The following RIT2 variants were observed in gnomAD, a reference collection of about 807,000 sequenced individuals.
The protein encoded by RIT2 is Ras like without CAAX 2.
A neutral mutation model predicts 23.7 loss-of-function variants in RIT2; 24 were observed. The ratio of observed to expected loss-of-function variants is 1.01; its 90% CI spans 0.73 to 1.43. The LOEUF (loss-of-function observed/expected upper bound fraction) is 1.43, where lower values mean the gene tolerates loss of function less well. Ranked by LOEUF, RIT2 falls within the 40% of genes most tolerant of loss-of-function variation. The probability of loss-of-function intolerance (pLI) is 0.00; values close to 1 mark genes in which losing one functional copy is unlikely to be tolerated. For missense variants in RIT2, 236 were observed against 266.9 expected, an observed-to-expected ratio of 0.88 and a Z score of 0.81; for synonymous variants, 107 against 91.1, an observed-to-expected ratio of 1.17 and a Z score of -0.99.
At chr18:43,013,858 C>G (rs1911410313) in intron 2 of RIT2, among the ~76,000 whole-genome samples, 1 of 151,704 alleles carries the variant, frequency 6.6e-6, no homozygotes, top group Admixed American at 6.6e-5. Context: ...TTCTCACAAA[C>G]TAGGTCCTTT....
At chr18:42,962,208 C>A (rs1910108928) in intron 3 of RIT2, among the ~76,000 whole-genome samples, 1 of 152,098 alleles carries the variant, frequency 6.6e-6, no homozygotes, top group East Asian at 1.9e-4. Flanking sequence ...ATTTTAAAAT[C>A]AAAGTTGCAT....
chr18:43,113,917 A>G (rs932692000), intron 1 of RIT2, among the ~76,000 whole-genome samples: 1 of 151,846 alleles, frequency 6.6e-6, no homozygotes, highest in Non-Finnish European at 1.5e-5. Flanking sequence ...CTTCTTCAGT[A>G]TTTTATTCTC....
chr18:43,055,221 T>C (rs1912472420), intron 1 of RIT2, among the ~76,000 whole-genome samples: 1 of 152,112 alleles, frequency 6.6e-6, no homozygotes, highest in East Asian at 1.9e-4. Flanking sequence ...TCTCAAAAAA[T>C]TGAGAACTAG....
In RIT2 at chr18:43,060,378, T is replaced by G. The variant is rs569216141; in HGVS notation, c.104-26511A>C. 3.3e-5 allele frequency among the ~76,000 whole-genome samples: 5 copies of G among 152,294 alleles called. 1 individual carries two copies. Among genetic ancestry groups the G allele is most frequent in the African/African-American group, 1.2e-4 (5 of 41,584 alleles). On this transcript the variant is annotated intron_variant, in intron 1 of 4. Coordinates refer to ENST00000326695, the MANE Select transcript of RIT2 (RefSeq NM_002930.4). ...AGGAGTCTGAATGCCACTAATCTTGTAATGAAACACTTGATTCCAAGTTCC... is the reference window on the plus strand; with the variant it reads ...AGGAGTCTGAATGCCACTAATCTTGGAATGAAACACTTGATTCCAAGTTCC...
rs1010624442 is a variant in RIT2 at position 42,949,799 on chromosome 18, T to TA, written c.234+24274dup. ...CATCTAAAGAATAAATTTGGTTGAA[T>TA]AAAAAAAAATAAAAGTCTCACTGAA... On this transcript the variant is annotated intron_variant, in intron 3 of 4. Transcript: ENST00000326695. Among the ~76,000 whole-genome samples the TA allele has an allele frequency of 1.6e-3, 244 of 151,306 alleles. 3 individuals are homozygous for TA. The highest frequency in any genetic ancestry group is 5.8e-3 in the African/African-American group (238 of 41,250).
intron 4 of RIT2, among the ~76,000 whole-genome samples, chr18:42,859,176 T>C (rs903890344): frequency 3.3e-5 from 5 of 152,206 alleles, no homozygotes; most frequent in African/African-American, 7.2e-5. Context: ...TCACCAGCAA[T>C]GTGTGAGAGT....
intron 4 of RIT2, among the ~76,000 whole-genome samples, chr18:42,796,531 T>G (rs1274797644): frequency 1.3e-5 from 2 of 152,170 alleles, no homozygotes; most frequent in Non-Finnish European, 2.9e-5. Context: ...CAACTCTCTT[T>G]AGGCATTCCT....
At chr18:43,095,164 T>A (rs1913522345) in intron 1 of RIT2, among the ~76,000 whole-genome samples, 1 of 152,094 alleles carries the variant, frequency 6.6e-6, no homozygotes, top group Non-Finnish European at 1.5e-5. Context: ...TTGAACTAAT[T>A]TACACTCCCA....
At chr18:42,903,938 T>C (rs1908545162) in intron 4 of RIT2, among the ~76,000 whole-genome samples, 1 of 151,978 alleles carries the variant, frequency 6.6e-6, no homozygotes, top group South Asian at 2.1e-4. Context: ...ATAAAACGCA[T>C]GTGGCAGAAG....
rs901374923 is a variant in RIT2, at chr18:43,031,373, T to C, written c.160+2438A>G. On this transcript the variant is annotated intron_variant, in intron 2 of 4. Transcript: ENST00000326695. ...CAAACTGAAATTTTAAGCAAGCAAA[T>C]AGACCCGTGAACAGACCAATACTTT... is the stretch of plus-strand genomic sequence containing the variant. 4.0e-5 allele frequency among the ~76,000 whole-genome samples: 6 copies of C among 151,156 alleles called. 1 individual carries two copies. The highest frequency in any genetic ancestry group is 2.0e-4 in the Admixed American group (3 of 15,042).
At chr18:42,860,349 C>T (rs770570398) in intron 4 of RIT2, among the ~76,000 whole-genome samples, 5 of 152,174 alleles carry the variant, frequency 3.3e-5, no homozygotes, top group Non-Finnish European at 7.4e-5. Context: ...AAAAATGCCA[C>T]AAAGCTTGTT....
intron 4 of RIT2, among the ~76,000 whole-genome samples, chr18:42,849,299 C>T (rs1025424285): frequency 1.3e-5 from 2 of 152,302 alleles, no homozygotes; most frequent in African/African-American, 4.8e-5. Context: ...ACCTAAATCT[C>T]GTCATACATG....
intron 4 of RIT2, among the ~76,000 whole-genome samples, chr18:42,864,964 G>T (rs1258006264): frequency 6.6e-6 from 1 of 152,152 alleles, no homozygotes; most frequent in Non-Finnish European, 1.5e-5. Flanking sequence ...ACATTCAGCT[G>T]CTCTTTGGGA....
chr18:42,802,859 A>G (rs2143964540), intron 4 of RIT2, among the ~76,000 whole-genome samples: 1 of 152,280 alleles, frequency 6.6e-6, no homozygotes, highest in African/African-American at 2.4e-5. Context: ...CTTTTTATTT[A>G]TAAAACAAAA....
chr18:42,937,648 T>C (rs142649297), intron 3 of RIT2, among the ~76,000 whole-genome samples: 5 of 152,306 alleles, frequency 3.3e-5, no homozygotes, highest in Non-Finnish European at 4.4e-5. Flanking sequence ...CAAAGCTTCC[T>C]GATCTACATT....
At chr18:42,912,034 T>C (rs1908782513) in intron 4 of RIT2, among the ~76,000 whole-genome samples, 1 of 151,802 alleles carries the variant, frequency 6.6e-6, no homozygotes, top group Admixed American at 6.6e-5. Context: ...AAAATAATTC[T>C]GAACAAAATT....
At chr18:42,846,113 G>A (rs1038211589) in intron 4 of RIT2, among the ~76,000 whole-genome samples, 8 of 151,894 alleles carry the variant, frequency 5.3e-5, no homozygotes, top group Admixed American at 4.6e-4. Flanking sequence ...CAGCGATTTA[G>A]TTGTATTAAT....
intron 1 of RIT2, among the ~76,000 whole-genome samples, chr18:43,101,959 A>C (rs968078240): frequency 5.3e-5 from 8 of 152,236 alleles, no homozygotes; most frequent in Non-Finnish European, 1.2e-4. Context: ...TTTTAATCCT[A>C]GATAGTAAAG....
chr18:42,958,807 A>T (rs1268971502), intron 3 of RIT2, among the ~76,000 whole-genome samples: 2 of 152,104 alleles, frequency 1.3e-5, no homozygotes, highest in East Asian at 3.9e-4. Flanking sequence ...AAGGCCTTTT[A>T]ATGATCTTCC....
Sources: gnomAD v4.1 joint callset for allele counts (sites outside exome capture counted in the v4.1 genomes callset) on GRCh38, gnomAD v4.1.1 for gene constraint, MANE v1.5 for transcripts, NCBI Gene and HGNC (gene_info 2026-07-23, HGNC 2026-07-21) for gene names.